Variants in SALL3 observed in about 807,000 individuals in gnomAD.
The protein encoded by SALL3 is sal-like protein 3.
SALL3 carries 25 observed loss-of-function variants against 66.2 expected under a neutral mutation model. The observed-to-expected ratio is 0.38, with a 90% confidence interval of 0.28 to 0.53. SALL3 has a LOEUF of 0.53. Among genes scored for constraint, SALL3 ranks in the 20% least tolerant of loss-of-function variants. SALL3 has a pLI of 0.85. For synonymous variants in SALL3, 1,152 were observed against 899.1 expected (o/e 1.28, Z -5.03); for missense variants, 2,194 against 1,916.5 (o/e 1.14, Z -2.70).
Position 78,994,952 on chromosome 18 carries a change from T to C in SALL3, c.2961T>C (p.Ala987=), listed in dbSNP as rs1914632381. 1.2e-6 allele frequency: 2 copies of C among 1,613,612 alleles called. No individual in the cohort carries two copies. Among genetic ancestry groups the C allele is most frequent in the African/African-American group, 2.7e-5 (2 of 74,928 alleles). ...GTGGTGTCTGTGGCAAGCCTTTTGCTTGCAAGAGCGCGTTGGAAATCCACT... is the reference window on the plus strand; with the variant it reads ...GTGGTGTCTGTGGCAAGCCTTTTGCCTGCAAGAGCGCGTTGGAAATCCACT... The part of the protein sequence containing the change: ...TVCGVCGKPF[A]CKSALEIHYR... Residue 987 remains alanine, a synonymous_variant, in exon 2 of 3, where the codon GCT becomes GCC. Transcript: ENST00000537592.
rs759917890 is a variant in SALL3 at position 78,995,085 on chromosome 18, C to T, written c.3094C>T (p.Leu1032=). The T allele has an allele frequency of 4.3e-6, 7 of 1,613,770 alleles. No individual in the cohort carries two copies. Among genetic ancestry groups the T allele is most frequent in the Non-Finnish European group, 5.9e-6 (7 of 1,180,038 alleles). ...QHLLTHRLKE[L]PSQLFDPNFA... is the part of the protein sequence containing the mutation. ...CTTACTGACACACAGATTGAAAGAG[C>T]TGCCTTCTCAGTTATTTGACCCCAA... The change falls in exon 2 of 3, where the codon CTG becomes TTG. Residue 1032 remains leucine (L), a synonymous_variant. Transcript: ENST00000537592.
intron 2 of SALL3, among the ~76,000 whole-genome samples, chr18:78,996,682 T>A (rs902883921): frequency 1.3e-5 from 2 of 152,252 alleles, no homozygotes; most frequent in Non-Finnish European, 2.9e-5. Flanking sequence ...ACTCATTAAT[T>A]TATATTTGTT....
In SALL3 at chr18:78,980,056, A is replaced by C. The variant is rs1477949763; in HGVS notation, c.-219A>C. Among the ~76,000 whole-genome samples, 1 of 145,170 alleles carries C rather than the reference A, an allele frequency of 6.9e-6. No homozygotes were observed. Among genetic ancestry groups the C allele is most frequent in the Non-Finnish European group, 1.5e-5 (1 of 65,474 alleles). The stretch of plus-strand genomic sequence containing the variant: ...ATTGCGAGCGCGGCCTCATTTGCAT[A>C]GGCCGCCGGAGTCCGCTGGAGCCCG... On this transcript the variant is annotated 5_prime_UTR_variant, in exon 1 of 3. Transcript: ENST00000537592.
Position 78,995,197 on chromosome 18 carries a change from G to A in SALL3, c.3206G>A (p.Gly1069Asp), listed in dbSNP as rs373257264. ...ATCAAAATGGAAGTGAACGGTCACG[G>A]CAAGGCCATGGCGCTGGGCGAGGGT... is the stretch of plus-strand genomic sequence containing the variant. ...TMIKMEVNGH[G>D]KAMALGEGPP... Residue 1069 changes from glycine (G) to aspartate (D), a missense_variant, in exon 2 of 3, where the codon GGC becomes GAC. Physicochemically the swap from Gly to Asp is moderately conservative, Grantham distance 94. Transcript: ENST00000537592. 588 of 1,610,546 alleles carry A rather than the reference G, an allele frequency of 3.7e-4. No homozygotes were observed. Among genetic ancestry groups the A allele is most frequent in the Non-Finnish European group, 4.5e-4 (527 of 1,179,996 alleles).
intron 2 of SALL3, among the ~76,000 whole-genome samples, chr18:78,995,693 T>C (rs1914668353): frequency 3.7e-5 from 1 of 27,084 alleles, no homozygotes; most frequent in African/African-American, 1.4e-4. Flanking sequence ...TGTGCAGGTG[T>C]GTATGGGTCG....
Position 78,992,502 on chromosome 18 carries a change from C to G in SALL3, c.511C>G (p.Leu171Val). Residue 171 changes from leucine to valine, a missense_variant, in exon 2 of 3, where the codon CTG becomes GTG. Transcript: ENST00000537592. Reference sequence around the variant, plus strand: ...CAGCACCAACGTGACCCTGGAGGCGCTGCTGAGCACCAAGGTGGCGGTGGC... The same window carrying G: ...CAGCACCAACGTGACCCTGGAGGCGGTGCTGAGCACCAAGGTGGCGGTGGC... Reference protein sequence around the residue: ...APSTNVTLEALLSTKVAVAQF... With the variant: ...APSTNVTLEAVLSTKVAVAQF... 1 of 1,473,136 alleles carries G rather than the reference C, an allele frequency of 6.8e-7. No homozygotes were observed. The highest frequency in any genetic ancestry group is 9.0e-7 in the Non-Finnish European group (1 of 1,116,510). The allele number at this position is 1,473,136 out of a possible 1,614,324, so 91.3% of individuals were successfully genotyped here.
chr18:78,981,842 A>G (rs1417215051), intron 1 of SALL3, among the ~76,000 whole-genome samples: 7 of 152,204 alleles, frequency 4.6e-5, no homozygotes, highest in Non-Finnish European at 5.9e-5. Flanking sequence ...CTCAATGACT[A>G]CATGATCAAA....
Position 78,993,521 on chromosome 18 carries a change from C to T in SALL3, c.1530C>T (p.Thr510=), listed in dbSNP as rs747598705. ...GMSLPPEKPV[T]TWLDSKPVLP... is the part of the protein sequence containing the mutation. Reference sequence around the variant, plus strand: ...CGCTGCCCCCCGAGAAGCCCGTGACCACCTGGCTGGACAGCAAGCCCGTGC... The same window carrying T: ...CGCTGCCCCCCGAGAAGCCCGTGACTACCTGGCTGGACAGCAAGCCCGTGC... Residue 510 remains threonine (T), a synonymous_variant, in exon 2 of 3, where the codon ACC becomes ACT. Transcript: ENST00000537592. The T allele has an allele frequency of 4.4e-6, 7 of 1,599,488 alleles. No homozygotes were observed. Among genetic ancestry groups the T allele is most frequent in the Admixed American group, 3.5e-5 (2 of 57,668 alleles).
chr18:78,981,719 A>G (rs992973212), intron 1 of SALL3, among the ~76,000 whole-genome samples: 3 of 152,230 alleles, frequency 2.0e-5, no homozygotes, highest in African/African-American at 7.2e-5. Flanking sequence ...AAACGCTTGC[A>G]TATGGTGGGT....
rs948450561 is a variant in SALL3 at position 78,997,489 on chromosome 18, A to G, written c.*167A>G. The G allele has an allele frequency of 1.1e-5, 7 of 634,552 alleles. No homozygotes were observed. Among genetic ancestry groups the G allele is most frequent in the South Asian group, 4.1e-5 (2 of 48,240 alleles). 39.3% of individuals were successfully genotyped at this position (634,552 alleles called of 1,614,324 possible). On this transcript the variant is annotated 3_prime_UTR_variant, in exon 3 of 3. Transcript: ENST00000537592. Reference sequence around the variant, plus strand: ...TAAGCGCTGCATGGCGCTCCCTTCAACAGCAAGCCTGACTGTTCTCGAGAA... The same window carrying G: ...TAAGCGCTGCATGGCGCTCCCTTCAGCAGCAAGCCTGACTGTTCTCGAGAA...
Position 78,993,054 on chromosome 18 carries a change from G to A in SALL3, c.1063G>A (p.Ala355Thr). ...GGCCCCGGGGTCCCTGCTGGGTGCG[G>A]CGCCCGGCCTGCCAAGTCCGCTTCT... ...ALAPGSLLGA[A>T]PGLPSPLLPQ... Residue 355 changes from alanine (A) to threonine (T), a missense_variant, in exon 2 of 3, where the codon GCG becomes ACG. Ala to Thr is a moderately conservative substitution (Grantham distance 58). Transcript: ENST00000537592. 2 of 1,585,300 alleles carry A rather than the reference G, an allele frequency of 1.3e-6. No homozygotes were observed. Among genetic ancestry groups the A allele is most frequent in the Non-Finnish European group, 1.7e-6 (2 of 1,172,158 alleles).
In SALL3 at chr18:78,993,377, C is replaced by T. The variant is rs1292225630; in HGVS notation, c.1386C>T (p.Asn462=). ...ICGNRFSTKG[N]LKVHFQRHKE... ...GGAACCGCTTCTCCACCAAAGGCAA[C>T]CTGAAGGTGCACTTCCAGAGGCACA... is the stretch of plus-strand genomic sequence containing the variant. Residue 462 remains asparagine, a synonymous_variant, in exon 2 of 3, where the codon AAC becomes AAT. Transcript: ENST00000537592. 2 of 1,612,536 alleles carry T rather than the reference C, an allele frequency of 1.2e-6. No homozygotes were observed. The highest frequency in any genetic ancestry group is 1.3e-5 in the African/African-American group (1 of 74,924).
rs1434604992 is a variant in SALL3 at position 78,980,225 on chromosome 18, C to T, written c.-50C>T. On this transcript the variant is annotated 5_prime_UTR_variant, in exon 1 of 3. Transcript: ENST00000537592. ...GCCGCCCCGCGCCGTCCCCGCCGGCCGCCCCGCTGATGCCGCTGCCCCGCG... is the reference window on the plus strand; with the variant it reads ...GCCGCCCCGCGCCGTCCCCGCCGGCTGCCCCGCTGATGCCGCTGCCCCGCG... The T allele has an allele frequency of 6.2e-6, 6 of 962,834 alleles. No homozygotes were observed. In the African/African-American group the frequency reaches 8.9e-5, roughly 14 times the overall value. 59.6% of individuals were successfully genotyped at this position (962,834 alleles called of 1,614,324 possible).
intron 1 of SALL3, among the ~76,000 whole-genome samples, chr18:78,982,510 T>C (rs1055592281): frequency 6.6e-6 from 1 of 152,184 alleles, no homozygotes; most frequent in African/African-American, 2.4e-5. Context: ...CTCATTTAAT[T>C]ATATTCGAAG....
At position 78,993,165 on chromosome 18, in the gene SALL3, G is replaced by C; in HGVS notation, c.1174G>C (p.Ala392Pro). Residue 392 changes from alanine to proline, a missense_variant, in exon 2 of 3, where the codon GCG (alanine) becomes CCG (proline). Physicochemically the swap from Ala to Pro is conservative, Grantham distance 27 (BLOSUM62 -1). Coordinates refer to ENST00000537592, the MANE Select transcript of SALL3 (RefSeq NM_171999.4). Reference protein sequence around the residue: ...ATANALDPLSALMKHRKGKPP... With the variant: ...ATANALDPLSPLMKHRKGKPP... ...GGCCAACGCTCTGGACCCGCTGTCC[G>C]CGCTCATGAAGCACCGCAAGGGCAA... 6.2e-7 allele frequency: 1 copy of C among 1,607,736 alleles called. No individual in the cohort carries two copies. The highest frequency in any genetic ancestry group is 8.5e-7 in the Non-Finnish European group (1 of 1,178,088).
At position 78,993,037 on chromosome 18, in the gene SALL3, G is replaced by T; in HGVS notation, c.1046G>T (p.Gly349Val). The change falls in exon 2 of 3, where the codon GGG (glycine) becomes GTG (valine). Residue 349 changes from glycine (G) to valine (V), a missense_variant. Physicochemically the swap from Gly to Val is moderately radical, Grantham distance 109. Coordinates refer to ENST00000537592, the MANE Select transcript of SALL3 (RefSeq NM_171999.4). ...TCCACGCCGCCTGCCCTGGCCCCGG[G>T]GTCCCTGCTGGGTGCGGCGCCCGGC... ...SASTPPALAP[G>V]SLLGAAPGLP... 1 of 1,575,020 alleles carries T rather than the reference G, an allele frequency of 6.3e-7. No individual in the cohort carries two copies. Among genetic ancestry groups the T allele is most frequent in the Non-Finnish European group, 8.6e-7 (1 of 1,167,854 alleles).
intron 1 of SALL3, among the ~76,000 whole-genome samples, chr18:78,990,052 T>A (rs1239584515): frequency 1.3e-5 from 2 of 152,250 alleles, no homozygotes; most frequent in Admixed American, 6.5e-5. Flanking sequence ...AGAAATTACC[T>A]GAAGATTTGA....
rs949698310 is a variant in SALL3 at position 78,997,103 on chromosome 18, C to G, written c.3684C>G (p.Asn1228Lys). The change falls in exon 3 of 3, where the codon AAC becomes AAG. Residue 1228 changes from asparagine to lysine, a missense_variant. Asn to Lys is a moderately conservative substitution (Grantham distance 94). Transcript: ENST00000537592. Reference sequence around the variant, plus strand: ...CTAACGGGCTCGCCATGAAGAACAACGAGATCTCCGTCATCCAGAACGGCG... The same window carrying G: ...CTAACGGGCTCGCCATGAAGAACAAGGAGATCTCCGTCATCCAGAACGGCG... ...AITNGLAMKNNEISVIQNGGI... is the reference protein window; with the variant it reads ...AITNGLAMKNKEISVIQNGGI... 1.2e-6 allele frequency: 2 copies of G among 1,613,988 alleles called. No individual in the cohort carries two copies. Among genetic ancestry groups the G allele is most frequent in the Non-Finnish European group, 1.7e-6 (2 of 1,180,050 alleles).
In SALL3 at chr18:78,993,747, T is replaced by A. The variant is rs758823364; in HGVS notation, c.1756T>A (p.Ser586Thr). The A allele has an allele frequency of 3.2e-6, 5 of 1,548,610 alleles. No homozygotes were observed. The highest frequency in any genetic ancestry group is 1.7e-6 in the Non-Finnish European group (2 of 1,156,636). The change falls in exon 2 of 3, where the codon TCG becomes ACG. Residue 586 changes from serine (S) to threonine (T), a missense_variant. Transcript: ENST00000537592. ...GTCGGCCACCGCCGAGTCCCCACAG[T>A]CGCTCCTCGGCGGGCCGCCCCTCAC... Reference protein sequence around the residue: ...GVSATAESPQSLLGGPPLTKA... With the variant: ...GVSATAESPQTLLGGPPLTKA...
Sources: allele counts gnomAD v4.1 joint callset (sites outside exome capture counted in the v4.1 genomes callset), GRCh38; gene constraint gnomAD v4.1.1; transcripts MANE v1.5; gene names NCBI Gene and HGNC (gene_info 2026-07-23, HGNC 2026-07-21).